Variants in ATP9A observed in about 807,000 individuals in gnomAD.
ATP9A encodes ATPase phospholipid transporting 9A, also known as probable phospholipid-transporting ATPase IIA.
A neutral mutation model predicts 144.1 loss-of-function variants in ATP9A; 52 were observed. That is an observed-to-expected ratio of 0.36 (90% CI 0.29 to 0.45). ATP9A has a LOEUF of 0.45. Ranked by LOEUF, ATP9A falls within the 20% of genes least tolerant of loss-of-function variation. ATP9A has a pLI of 1.00. For synonymous variants in ATP9A, 582 were observed against 557.4 expected (o/e 1.04, Z -0.62); for missense variants, 947 against 1,392.7 (o/e 0.68, Z 5.09).
At chr20:51,610,897 A>G (rs1442284458) in intron 23 of ATP9A, among the ~76,000 whole-genome samples, 5 of 152,198 alleles carry the variant, frequency 3.3e-5, no homozygotes, top group African/African-American at 1.2e-4. Flanking sequence ...AGCAATGAAG[A>G]TATTTACAAA....
chr20:51,636,202 G>A lies in ATP9A; in HGVS notation c.1668+3141C>T, dbSNP rs185205360. Among the ~76,000 whole-genome samples, 737 of 152,306 alleles carry A rather than the reference G, an allele frequency of 4.8e-3. 13 individuals are homozygous for A. Among genetic ancestry groups the A allele is most frequent in the Non-Finnish European group, 4.7e-3 (323 of 68,026 alleles). On this transcript the variant is annotated intron_variant, in intron 15 of 27. Coordinates refer to ENST00000338821, the MANE Select transcript of ATP9A (RefSeq NM_006045.3). ...CAACAGCCAATCTGAGGGTTCCTGAGTGACTAGCAAGCAGGCAGGTAGATG... is the reference window on the plus strand; with the variant it reads ...CAACAGCCAATCTGAGGGTTCCTGAATGACTAGCAAGCAGGCAGGTAGATG...
intron 1 of ATP9A, among the ~76,000 whole-genome samples, chr20:51,762,183 G>A (rs1462196207): frequency 2.0e-5 from 3 of 152,038 alleles, no homozygotes; most frequent in Non-Finnish European, 2.9e-5. Context: ...TGGCCAATAC[G>A]GTGAAGCCCC....
chr20:51,661,526 C>CT (rs533280164), intron 13 of ATP9A, among the ~76,000 whole-genome samples: 19,948 of 106,250 alleles, frequency 0.19, 1,777 homozygotes, highest in Non-Finnish European at 0.22. Context: ...CCATGCCCAG[C>CT]TTTTTTTTTT....
At chr20:51,649,992 G>A (rs1222044889) in intron 14 of ATP9A, among the ~76,000 whole-genome samples, 3 of 151,578 alleles carry the variant, frequency 2.0e-5, no homozygotes, top group Non-Finnish European at 4.4e-5. Flanking sequence ...CACTGCAGAA[G>A]CAGGGAAGGC....
intron 14 of ATP9A, among the ~76,000 whole-genome samples, chr20:51,653,506 G>A (rs970566492): frequency 6.6e-6 from 1 of 152,106 alleles, no homozygotes; most frequent in South Asian, 2.1e-4. Flanking sequence ...TTTGAATTCC[G>A]CTGGGTGCGG....
chr20:51,719,818 G>A (rs1001725779), intron 3 of ATP9A, among the ~76,000 whole-genome samples: 5 of 151,702 alleles, frequency 3.3e-5, no homozygotes, highest in South Asian at 2.1e-4. Context: ...AGGCCAAGGC[G>A]AGAGGATCAC....
intron 26 of ATP9A, among the ~76,000 whole-genome samples, chr20:51,606,678 C>G (rs1340207490): frequency 6.6e-6 from 1 of 152,202 alleles, no homozygotes; most frequent in Non-Finnish European, 1.5e-5. Context: ...CTTGCTGGAC[C>G]TGCAGGGACT....
In ATP9A at chr20:51,601,325, C is replaced by T; in HGVS notation, c.3030G>A (p.Leu1010=). 2 of 1,612,774 alleles carry T rather than the reference C, an allele frequency of 1.2e-6. No individual in the cohort carries two copies. The highest frequency in any genetic ancestry group is 1.1e-5 in the South Asian group (1 of 90,852). Residue 1010 remains leucine (L), a synonymous_variant, in exon 28 of 28, where the codon TTG becomes TTA. Coordinates refer to ENST00000338821, the MANE Select transcript of ATP9A (RefSeq NM_006045.3). ...EFIDVYFIAT[L]SFLWKVSVIT... The stretch of plus-strand genomic sequence containing the variant: ...TGACGGAGACTTTCCACAAGAATGA[C>T]AAGGTGGCGATGAAGTACACATCTG...
At chr20:51,657,772 G>A (rs552252742) in intron 13 of ATP9A, among the ~76,000 whole-genome samples, 115 of 152,358 alleles carry the variant, frequency 7.5e-4, no homozygotes, top group African/African-American at 2.6e-3. Flanking sequence ...ATCCAGGGCA[G>A]TCCAGCAAGG....
At chr20:51,764,416 A>T (rs1396083427) in intron 1 of ATP9A, among the ~76,000 whole-genome samples, 1 of 152,270 alleles carries the variant, frequency 6.6e-6, no homozygotes, top group African/African-American at 2.4e-5. Flanking sequence ...TTTTCTCAAC[A>T]TCAGGATGTG....
intron 12 of ATP9A, 60 bp from the exon 13 acceptor site, chr20:51,670,169 A>G (rs1348610230): frequency 1.5e-6 from 2 of 1,305,632 alleles, no homozygotes; most frequent in African/African-American, 2.9e-5. Context: ...TATTATTAAC[A>G]GTAATGACAG....
At chr20:51,710,986 C>T (rs1024210238) in intron 4 of ATP9A, among the ~76,000 whole-genome samples, 28 of 152,030 alleles carry the variant, frequency 1.8e-4, no homozygotes, top group African/African-American at 6.8e-4. Context: ...GGTTGCCAAG[C>T]GTTTTAAATG....
At chr20:51,698,785 T>A (rs964147141) in intron 4 of ATP9A, among the ~76,000 whole-genome samples, 3 of 152,122 alleles carry the variant, frequency 2.0e-5, no homozygotes, top group Admixed American at 1.3e-4. Context: ...GCTAACAGCA[T>A]GCACACGGCC....
chr20:51,632,208 AGTAGCTGG>A (rs1437275167), intron 15 of ATP9A, among the ~76,000 whole-genome samples: 1 of 152,006 alleles, frequency 6.6e-6, no homozygotes, highest in African/African-American at 2.4e-5. Flanking sequence ...CAACCTTCCC[AGTAGCTGG>A]GACTACAGGT....
At position 51,610,168 on chromosome 20, in the gene ATP9A, G is replaced by A. The variant is rs757741977; in HGVS notation, c.2572-3C>T. ...TAAAACACGGAGGAAAAGACAGCCT[G>A]TGCCAAGGAGAGAGGAGGATGTCAC... On this transcript the variant is annotated splice_region_variant and splice_polypyrimidine_tract_variant and intron_variant, in intron 23 of 27. Transcript: ENST00000338821. 47 of 1,605,982 alleles carry A rather than the reference G, an allele frequency of 2.9e-5. No homozygotes were observed. The highest frequency in any genetic ancestry group is 3.8e-5 in the Non-Finnish European group (45 of 1,172,702).
intron 1 of ATP9A, among the ~76,000 whole-genome samples, chr20:51,732,831 G>C (rs966951348): frequency 4.6e-5 from 7 of 151,936 alleles, no homozygotes; most frequent in African/African-American, 1.7e-4. Flanking sequence ...AAGGATGGGA[G>C]AAAAAGGGGA....
At chr20:51,684,281 G>A (rs1185118716) in intron 9 of ATP9A, among the ~76,000 whole-genome samples, 1 of 152,078 alleles carries the variant, frequency 6.6e-6, no homozygotes, top group African/African-American at 2.4e-5. Flanking sequence ...TTGCAATTAA[G>A]GCAACAAATA....
chr20:51,690,688 T>C, intron 8 of ATP9A, 51 bp downstream of exon 8: 1 of 1,467,292 alleles, frequency 6.8e-7, no homozygotes, highest in East Asian at 2.3e-5. Context: ...CTTCATTTCA[T>C]CCCTTACACA....
chr20:51,750,950 G>A (rs1442091563), intron 1 of ATP9A, among the ~76,000 whole-genome samples: 1 of 152,192 alleles, frequency 6.6e-6, no homozygotes, highest in Non-Finnish European at 1.5e-5. Flanking sequence ...TGCTATGGGA[G>A]CGTCCATGAG....
Sources: gnomAD v4.1 joint callset for allele counts (sites outside exome capture counted in the v4.1 genomes callset) on GRCh38, gnomAD v4.1.1 for gene constraint, MANE v1.5 for transcripts, NCBI Gene and HGNC (gene_info 2026-07-23, HGNC 2026-07-21) for gene names.